The following CBR4 variants were observed in gnomAD, a reference collection of about 807,000 sequenced individuals.
The protein encoded by CBR4 is 3-oxoacyl-[acyl-carrier-protein] reductase.
CBR4 carries 22 observed loss-of-function variants against 21.0 expected under a neutral mutation model. The observed-to-expected ratio is 1.05, with a 90% CI of 0.75 to 1.50. The LOEUF (loss-of-function observed/expected upper bound fraction) is 1.50. Among genes scored for constraint, CBR4 ranks in the 40% most tolerant of loss-of-function variants. CBR4 has a pLI of 0.00. For synonymous variants in CBR4, 100 were observed against 104.4 expected (o/e 0.96, Z 0.26); for missense variants, 302 against 286.3 (o/e 1.05, Z -0.40).
chr4:168,902,069 A>C (rs552631774), intron 2 of CBR4, among the ~76,000 whole-genome samples: 4 of 152,288 alleles, frequency 2.6e-5, no homozygotes, highest in African/African-American at 9.6e-5. Context: ...TAATTCATCC[A>C]TTTATTTAGT....
At chr4:168,915,584 A>G (rs939614933) in intron 2 of CBR4, among the ~76,000 whole-genome samples, 1 of 152,216 alleles carries the variant, frequency 6.6e-6, no homozygotes, top group Non-Finnish European at 1.5e-5. Context: ...TAAATGAGCA[A>G]TAATGCTACT....
At chr4:168,945,792 CA>C (rs1169779360) in intron 2 of CBR4, among the ~76,000 whole-genome samples, 4 of 152,114 alleles carry the variant, frequency 2.6e-5, no homozygotes, top group Non-Finnish European at 4.4e-5. Flanking sequence ...CCCCAAACAA[CA>C]ACAAAAACTT....
intron 2 of CBR4, among the ~76,000 whole-genome samples, chr4:168,913,772 A>G (rs1356729790): frequency 6.6e-6 from 1 of 152,162 alleles, no homozygotes; most frequent in African/African-American, 2.4e-5. Context: ...ACTCACAGGG[A>G]AAGTGTTTTT....
chr4:168,922,085 TTA>T (rs149658107), intron 2 of CBR4, among the ~76,000 whole-genome samples: 4,416 of 134,074 alleles, frequency 0.033, 197 homozygotes, highest in African/African-American at 0.1. Context: ...AGTTTTATAT[TTA>T]TATATATATA....
intron 2 of CBR4, among the ~76,000 whole-genome samples, chr4:168,941,043 T>C (rs1451847876): frequency 6.6e-6 from 1 of 152,138 alleles, no homozygotes; most frequent in African/African-American, 2.4e-5. Flanking sequence ...TGACCATCAA[T>C]GATAGCTGGA....
At chr4:168,933,231 T>TA (rs1416219779) in intron 2 of CBR4, among the ~76,000 whole-genome samples, 1 of 151,974 alleles carries the variant, frequency 6.6e-6, no homozygotes, top group Non-Finnish European at 1.5e-5. Context: ...AATGAATGAA[T>TA]AAAAAAACCA....
At position 168,977,292 on chromosome 4, in the gene CBR4, T is replaced by C. The variant is rs112243182; in HGVS notation, n.169+24779A>G. ...AATCCATCTTATATGCCTAGCAGTA[T>C]TGATATCAAGAACTCCTTCCTTCAA... On this transcript the variant is annotated intron_variant and non_coding_transcript_variant, in intron 2 of 3. Transcript: ENST00000509108. 9.8e-4 allele frequency among the ~76,000 whole-genome samples: 149 copies of C among 152,340 alleles called. 1 individual carries two copies. Among genetic ancestry groups the C allele is most frequent in the African/African-American group, 3.4e-3 (141 of 41,566 alleles).
chr4:169,006,029 A>G, intron 3 of CBR4: 1 of 587,896 alleles, frequency 1.7e-6, no homozygotes, highest in Non-Finnish European at 2.8e-6. Context: ...ACAGGCATAT[A>G]CTCCACAGCT....
intron 2 of CBR4, among the ~76,000 whole-genome samples, chr4:168,902,163 A>C (rs1361330481): frequency 6.6e-6 from 1 of 152,208 alleles, no homozygotes; most frequent in Non-Finnish European, 1.5e-5. Context: ...CAGACAGTTG[A>C]ATTTGAATGT....
intron 4 of CBR4, among the ~76,000 whole-genome samples, chr4:168,990,818 C>T (rs1328125181): frequency 1.3e-5 from 2 of 151,888 alleles, no homozygotes; most frequent in Admixed American, 6.6e-5. Context: ...TTTGGGAGGC[C>T]GAGGTGGGCA....
chr4:168,986,177 G>C (rs115532789), downstream of CBR4, among the ~76,000 whole-genome samples: 85 of 152,276 alleles, frequency 5.6e-4, no homozygotes, highest in African/African-American at 1.4e-3. Context: ...ATTAGATATT[G>C]TAAGTAATCT....
In CBR4 at chr4:169,002,585, C is replaced by T. The variant is rs528742939; in HGVS notation, c.401-380G>A. 2.0e-4 allele frequency among the ~76,000 whole-genome samples: 30 copies of T among 152,300 alleles called. No homozygotes were observed. In the East Asian group the frequency reaches 5.6e-3, roughly 28 times the overall value. On this transcript the variant is annotated intron_variant, in intron 3 of 4. Coordinates refer to ENST00000306193, the MANE Select transcript of CBR4 (RefSeq NM_032783.5). The stretch of plus-strand genomic sequence containing the variant: ...AAAGCCAGAAAAAGTCAGACAAAAG[C>T]TGACTAATTTTATGATTCTACAACA...
Position 168,987,928 on chromosome 4 carries a change from T to C in CBR4, c.*2222A>G. The C allele has an allele frequency of 4.1e-6, 4 of 984,646 alleles. No homozygotes were observed. Among genetic ancestry groups the C allele is most frequent in the Non-Finnish European group, 4.8e-6 (4 of 829,254 alleles). 61.0% of individuals were successfully genotyped at this position (984,646 alleles called of 1,614,324 possible). On this transcript the variant is annotated 3_prime_UTR_variant, in exon 5 of 5. Coordinates refer to ENST00000306193, the MANE Select transcript of CBR4 (RefSeq NM_032783.5). The stretch of plus-strand genomic sequence containing the variant: ...TAAAGCCCTCCATGCAAAAAAAAAT[T>C]AATACATTGGCTTTACCTATAAACC...
rs1419819164 is a variant in CBR4, at chr4:168,894,676, A to G, written n.259T>C. The G allele has an allele frequency of 6.2e-7, 1 of 1,612,958 alleles. No homozygotes were observed. On this transcript the variant is annotated non_coding_transcript_exon_variant, in exon 3 of 4. Coordinates refer to the CBR4 transcript ENST00000509108. ...GAGCCAGAAGAGGAAACAGCTAATCAGGTACCATGTTGCTCTGGACTTCTT... is the reference window on the plus strand; with the variant it reads ...GAGCCAGAAGAGGAAACAGCTAATCGGGTACCATGTTGCTCTGGACTTCTT...
At chr4:168,994,725 C>G (rs1973113) in intron 4 of CBR4, among the ~76,000 whole-genome samples, 97,838 of 145,736 alleles carry the variant, frequency 0.67, 34,800 homozygotes, top group East Asian at 0.95. Flanking sequence ...ACAACAGGCG[C>G]CTACCACCAC....
intron 2 of CBR4, among the ~76,000 whole-genome samples, chr4:168,915,054 GC>G (rs1214114424): frequency 6.6e-6 from 1 of 152,078 alleles, no homozygotes; most frequent in Non-Finnish European, 1.5e-5. Context: ...ACATTTTTAA[GC>G]CTTTCCTTAT....
At chr4:168,975,878 G>A (rs1053260520) in intron 2 of CBR4, among the ~76,000 whole-genome samples, 1 of 152,090 alleles carries the variant, frequency 6.6e-6, no homozygotes, top group African/African-American at 2.4e-5. Flanking sequence ...GGGGAAAGCT[G>A]ACAGTGACAG....
At chr4:168,936,360 T>C (rs1016914888) in intron 2 of CBR4, among the ~76,000 whole-genome samples, 1 of 151,966 alleles carries the variant, frequency 6.6e-6, no homozygotes, top group Non-Finnish European at 1.5e-5. Context: ...ATTGCAAAAA[T>C]GAGAATGCCT....
At chr4:168,896,534 T>G in intron 2 of CBR4, 1 of 1,431,140 alleles carries the variant, frequency 7.0e-7, no homozygotes, top group Non-Finnish European at 9.5e-7. Context: ...CACATCTTTT[T>G]TTCTACCATT....
Sources: allele counts gnomAD v4.1 joint callset (sites outside exome capture counted in the v4.1 genomes callset), GRCh38; gene constraint gnomAD v4.1.1; transcripts MANE v1.5; gene names NCBI Gene and HGNC (gene_info 2026-07-23, HGNC 2026-07-21).